NPSR1: variants seen among roughly 807,000 people sequenced by gnomAD.
NPSR1 encodes the protein neuropeptide S receptor 1.
In NPSR1, 48 loss-of-function variants were observed where a neutral mutation model predicts 46.9. The observed-to-expected ratio is 1.02, with a 90% CI of 0.81 to 1.30. The LOEUF (loss-of-function observed/expected upper bound fraction) is 1.30. Ranked by LOEUF, NPSR1 falls within the 50% of genes most tolerant of loss-of-function variation. NPSR1 has a pLI of 0.00. For missense variants in NPSR1, 450 were observed against 449.5 expected (o/e 1.00, Z -0.01); for synonymous variants, 176 against 168.1 (o/e 1.05, Z -0.36).
intron 7 of NPSR1, among the ~76,000 whole-genome samples, chr7:34,847,897 G>A (rs1255427505): frequency 1.3e-5 from 2 of 152,170 alleles, no homozygotes; most frequent in African/African-American, 2.4e-5. Flanking sequence ...AGAATTTGGG[G>A]CCAAATAAAC....
intron 2 of NPSR1, among the ~76,000 whole-genome samples, chr7:34,770,702 GGACCT>G (rs1282551303): frequency 6.6e-6 from 1 of 152,114 alleles, no homozygotes; most frequent in African/African-American, 2.4e-5. Context: ...TGCCACATGG[GGACCT>G]GACAAGAGGT....
chr7:34,819,467 G>A (rs190323686), intron 4 of NPSR1, among the ~76,000 whole-genome samples: 1 of 152,332 alleles, frequency 6.6e-6, no homozygotes, highest in Non-Finnish European at 1.5e-5. Flanking sequence ...CACTGTTGGT[G>A]GGAGTGTACA....
At chr7:34,856,152 T>C (rs938033436) in intron 8 of NPSR1, among the ~76,000 whole-genome samples, 1 of 148,398 alleles carries the variant, frequency 6.7e-6, no homozygotes, top group African/African-American at 2.6e-5. Context: ...CTAGTCAATG[T>C]AGTAAAACAA....
At chr7:34,769,031 G>C (rs989891799) in intron 2 of NPSR1, among the ~76,000 whole-genome samples, 3 of 152,084 alleles carry the variant, frequency 2.0e-5, no homozygotes, top group African/African-American at 4.8e-5. Context: ...ATTTTAACTG[G>C]GGTTTCAGGC....
intron 2 of NPSR1, chr7:34,758,202 G>C (rs1785973015): frequency 6.6e-6 from 1 of 152,522 alleles, no homozygotes; most frequent in Non-Finnish European, 1.5e-5. Flanking sequence ...TTAGCATGTG[G>C]TAGGCACTTT....
At chr7:34,829,994 G>A (rs549834065) in intron 5 of NPSR1, among the ~76,000 whole-genome samples, 2 of 152,164 alleles carry the variant, frequency 1.3e-5, no homozygotes, top group Admixed American at 6.5e-5. Context: ...TCCCTCTTTC[G>A]TGGCTCCCTG....
intron 3 of NPSR1, among the ~76,000 whole-genome samples, chr7:34,783,863 T>C (rs927760973): frequency 6.6e-6 from 1 of 151,890 alleles, no homozygotes; most frequent in Non-Finnish European, 1.5e-5. Context: ...AGAACATATG[T>C]AAGGAAGGAA....
At chr7:34,870,673 G>C (rs1791430017) in intron 8 of NPSR1, among the ~76,000 whole-genome samples, 1 of 151,752 alleles carries the variant, frequency 6.6e-6, no homozygotes, top group African/African-American at 2.4e-5. Context: ...GGGATCCCTA[G>C]ACTGAATTTG....
chr7:34,809,959 A>G (rs1788902161), intron 3 of NPSR1, among the ~76,000 whole-genome samples: 1 of 152,208 alleles, frequency 6.6e-6, no homozygotes, highest in South Asian at 2.1e-4. Flanking sequence ...CCTGCAAAGC[A>G]CATTATCTCA....
intron 3 of NPSR1, among the ~76,000 whole-genome samples, chr7:34,792,237 C>T (rs755402762): frequency 9.2e-5 from 14 of 151,792 alleles, no homozygotes; most frequent in Non-Finnish European, 1.9e-4. Flanking sequence ...AACTAAATAA[C>T]TCTGGTGCAA....
intron 4 of NPSR1, among the ~76,000 whole-genome samples, chr7:34,825,652 G>A (rs1050559606): frequency 6.6e-6 from 1 of 152,128 alleles, no homozygotes; most frequent in Non-Finnish European, 1.5e-5. Flanking sequence ...TCAAGGAAGT[G>A]GCCACCAGCA....
chr7:34,797,582 C>A (rs765820801), intron 3 of NPSR1, among the ~76,000 whole-genome samples: 1 of 151,202 alleles, frequency 6.6e-6, no homozygotes, highest in East Asian at 1.9e-4. Context: ...ACAGAAATAC[C>A]AAAAAAAGAA....
chr7:34,824,914 A>T (rs1789749335), intron 4 of NPSR1, among the ~76,000 whole-genome samples: 1 of 151,778 alleles, frequency 6.6e-6, no homozygotes, highest in Non-Finnish European at 1.5e-5. Flanking sequence ...TGCCCTCTTC[A>T]TCCCACCCTG....
intron 8 of NPSR1, among the ~76,000 whole-genome samples, chr7:34,857,552 G>A (rs1791077189): frequency 6.6e-6 from 1 of 151,674 alleles, no homozygotes; most frequent in Non-Finnish European, 1.5e-5. Flanking sequence ...CATTTATGTG[G>A]GAGAAAATTT....
At chr7:34,793,568 A>G (rs2128744891) in intron 3 of NPSR1, among the ~76,000 whole-genome samples, 1 of 152,284 alleles carries the variant, frequency 6.6e-6, no homozygotes, top group East Asian at 1.9e-4. Flanking sequence ...AAGACAAATG[A>G]TAACAAGTGT....
chr7:34,765,531 C>T (rs1196937440), intron 2 of NPSR1, among the ~76,000 whole-genome samples: 1 of 152,190 alleles, frequency 6.6e-6, no homozygotes, highest in South Asian at 2.1e-4. Context: ...TCTCAAAAAA[C>T]TTAACTACCA....
In NPSR1 at chr7:34,849,852, G is replaced by A; in HGVS notation, c.*197G>A. ...CAACACGAACTCCCCAGTTATTCAT[G>A]CCAGCCAGGAAGGAAACGCCTTCCT... On this transcript the variant is annotated 3_prime_UTR_variant, in exon 9 of 9. Transcript: ENST00000360581. 7.5e-7 allele frequency: 1 copy of A among 1,340,710 alleles called. No homozygotes were observed. The highest frequency in any genetic ancestry group is 9.6e-7 in the Non-Finnish European group (1 of 1,043,162). 83.1% of individuals were successfully genotyped at this position (1,340,710 alleles called of 1,614,324 possible). A position where few individuals can be genotyped will look rare whatever the true frequency, so the allele number is the denominator to read the frequency against.
At chr7:34,760,077 C>A (rs1262043590) in intron 2 of NPSR1, among the ~76,000 whole-genome samples, 1 of 152,172 alleles carries the variant, frequency 6.6e-6, no homozygotes, top group Non-Finnish European at 1.5e-5. Context: ...GTGTGTTAAT[C>A]AAATATATTG....
chr7:34,823,946 T>C (rs901039120), intron 4 of NPSR1, among the ~76,000 whole-genome samples: 3 of 152,106 alleles, frequency 2.0e-5, no homozygotes, highest in Non-Finnish European at 4.4e-5. Context: ...CACTTTCCTA[T>C]ACTGGGTTCG....
Sources: allele counts gnomAD v4.1 joint callset (sites outside exome capture counted in the v4.1 genomes callset), GRCh38; gene constraint gnomAD v4.1.1; transcripts MANE v1.5; gene names NCBI Gene and HGNC (gene_info 2026-07-23, HGNC 2026-07-21).